The following IQSEC1 variants were observed in gnomAD, a reference collection of about 807,000 sequenced individuals.
IQSEC1 encodes the protein IQ motif and Sec7 domain ArfGEF 1.
A neutral mutation model predicts 91.0 loss-of-function variants in IQSEC1; 31 were observed. The observed-to-expected ratio is 0.34, with a 90% confidence interval of 0.26 to 0.46. The LOEUF (loss-of-function observed/expected upper bound fraction) is 0.46, where lower values mean the gene tolerates loss of function less well. IQSEC1 is among the 20% of genes least tolerant of loss of function. The pLI is 1.00. For synonymous variants in IQSEC1, 699 were observed against 662.6 expected, an observed-to-expected ratio of 1.05 and a Z score of -0.84; for missense variants, 1,388 against 1,575.6, an observed-to-expected ratio of 0.88 and a Z score of 2.02.
At chr3:13,092,758 A>C (rs1033916181) in intron 2 of IQSEC1, among the ~76,000 whole-genome samples, 1 of 152,140 alleles carries the variant, frequency 6.6e-6, no homozygotes, top group African/African-American at 2.4e-5. Flanking sequence ...ACCAACATTC[A>C]GGCCCTGCGC....
chr3:13,063,352 G>A (rs1705131291), intron 1 of IQSEC1, among the ~76,000 whole-genome samples: 1 of 152,246 alleles, frequency 6.6e-6, no homozygotes, highest in Non-Finnish European at 1.5e-5. Context: ...TTTAGCTTTA[G>A]TTGACTGGTC....
chr3:13,073,029 T>C lies in IQSEC1; in HGVS notation c.-15A>G. The C allele has an allele frequency of 1.3e-6, 2 of 1,551,728 alleles. No homozygotes were observed. Among genetic ancestry groups the C allele is most frequent in the Non-Finnish European group, 1.7e-6 (2 of 1,146,988 alleles). On this transcript the variant is annotated 5_prime_UTR_variant, in exon 1 of 14. Transcript: ENST00000613206. Reference sequence around the variant, plus strand: ...CTGCAAGCCATCCTGTGTGAATCCGTTCTTCCCTGTTCTGGCTCCCTCTCC... The same window carrying C: ...CTGCAAGCCATCCTGTGTGAATCCGCTCTTCCCTGTTCTGGCTCCCTCTCC...
In IQSEC1 at chr3:12,994,594, G is replaced by A. The variant is rs531803361; in HGVS notation, c.24-52729C>T. On this transcript the variant is annotated intron_variant, in intron 1 of 13. Coordinates refer to ENST00000613206, the MANE Select transcript of IQSEC1 (RefSeq NM_001134382.3). This position sits in a 1 kb window ranked among gnomAD's most constrained non-coding sequence, Gnocchi z 4.5. ...GCCAAGTCCCCCGGCTCCTCCGAGG[G>A]AAAGCTGCAGCCCCGGCCGAAACGC... 2.0e-5 allele frequency among the ~76,000 whole-genome samples: 3 copies of A among 152,102 alleles called. No individual in the cohort carries two copies. The highest frequency in any genetic ancestry group is 4.4e-5 in the Non-Finnish European group (3 of 68,004).
chr3:12,901,132 G>A lies in IQSEC1; in HGVS notation c.3196C>T (p.His1066Tyr). 4 of 1,542,960 alleles carry A rather than the reference G, an allele frequency of 2.6e-6. No homozygotes were observed. Among genetic ancestry groups the A allele is most frequent in the Non-Finnish European group, 3.5e-6 (4 of 1,145,882 alleles). ...TGGGCATGGGCCCCGTAGGCTGGGT[G>A]GCCCCCATGGGGGCCGTGGTGGTAC... ...HQYHHGPHGG[H>Y]PAYGAHAHGH... The change falls in exon 14 of 14, where the codon CAC becomes TAC. Residue 1066 changes from histidine to tyrosine, a missense_variant. Transcript: ENST00000613206.
intron 1 of IQSEC1, among the ~76,000 whole-genome samples, chr3:13,245,418 TGGAAA>T (rs945919426): frequency 2.3e-4 from 35 of 151,614 alleles, no homozygotes; most frequent in Non-Finnish European, 1.0e-4. Context: ...ATTCAAGGGG[TGGAAA>T]AAAGGGCTCC....
rs1694067905 is a variant in IQSEC1, at chr3:13,193,298, GA to G, written c.273-29166del. On this transcript the variant is annotated intron_variant, in intron 1 of 15. Coordinates refer to the IQSEC1 transcript ENST00000648114. This position sits in a 1 kb window ranked among gnomAD's most constrained non-coding sequence, Gnocchi z 4.2. ...CAGCCCCACTGATGACTGCGCTTCT[GA>G]GCCATTTCCGGCCTGTGGCAATGTC... Among the ~76,000 whole-genome samples the G allele has an allele frequency of 6.6e-6, 1 of 152,228 alleles. No homozygotes were observed. Among genetic ancestry groups the G allele is most frequent in the Non-Finnish European group, 1.5e-5 (1 of 68,036 alleles).
intron 1 of IQSEC1, among the ~76,000 whole-genome samples, chr3:12,991,069 C>A (rs1344140963): frequency 1.3e-5 from 2 of 152,214 alleles, no homozygotes; most frequent in Admixed American, 1.3e-4. Flanking sequence ...CACTGAATAG[C>A]CCCGAGGCAG....
At chr3:13,000,525 A>G (rs1351658844) in intron 1 of IQSEC1, among the ~76,000 whole-genome samples, 1 of 152,210 alleles carries the variant, frequency 6.6e-6, no homozygotes, top group Non-Finnish European at 1.5e-5. Context: ...TCATCAGCTA[A>G]TGGTTCTGTC....
chr3:13,063,511 C>G (rs1388086225), intron 1 of IQSEC1, among the ~76,000 whole-genome samples: 1 of 152,136 alleles, frequency 6.6e-6, no homozygotes, highest in East Asian at 1.9e-4. Context: ...GAGTGGCCGT[C>G]AGCAGGGCTG....
exon 1 of IQSEC1, among the ~76,000 whole-genome samples, chr3:13,283,151 C>T (rs1322825897): frequency 6.9e-6 from 1 of 145,370 alleles, no homozygotes; most frequent in Non-Finnish European, 1.5e-5. Context: ...CCCGCGCCTC[C>T]TGCTCCCCGC....
rs981940065 is a variant in IQSEC1, at chr3:12,992,711, G to T, written c.24-50846C>A. ...GAGCAACACTCACAAAGCTGACCAG[G>T]CAGAGCCGACTGCTGTCCTTGTGAG... On this transcript the variant is annotated intron_variant, in intron 1 of 13. Coordinates refer to ENST00000613206, the MANE Select transcript of IQSEC1 (RefSeq NM_001134382.3). This position sits in a 1 kb window ranked among gnomAD's most constrained non-coding sequence, Gnocchi z 4.1. 2.6e-5 allele frequency among the ~76,000 whole-genome samples: 4 copies of T among 152,216 alleles called. No homozygotes were observed. Among genetic ancestry groups the T allele is most frequent in the Non-Finnish European group, 5.9e-5 (4 of 68,040 alleles).
intron 2 of IQSEC1, among the ~76,000 whole-genome samples, chr3:13,090,783 T>C (rs1432118786): frequency 6.6e-6 from 1 of 152,192 alleles, no homozygotes; most frequent in Non-Finnish European, 1.5e-5. Context: ...CCTGGCACCC[T>C]GTGACTCGTA....
intron 13 of IQSEC1, 24 bp from the exon 14 acceptor site, chr3:12,901,546 C>T (rs1694307323): frequency 6.5e-7 from 1 of 1,529,656 alleles, no homozygotes; most frequent in South Asian, 1.2e-5. Context: ...TCATAGAAAT[C>T]AAAATTAAAA....
intron 1 of IQSEC1, among the ~76,000 whole-genome samples, chr3:13,168,660 T>C (rs2124996084): frequency 6.6e-6 from 1 of 152,310 alleles, no homozygotes; most frequent in East Asian, 1.9e-4. Flanking sequence ...CACCCTTTCA[T>C]TCTGCCCTCA....
intron 1 of IQSEC1, among the ~76,000 whole-genome samples, chr3:12,953,509 G>A (rs1203846481): frequency 6.6e-6 from 1 of 152,182 alleles, no homozygotes; most frequent in Non-Finnish European, 1.5e-5. Flanking sequence ...GAAAAATATA[G>A]GACTCGAACA....
intron 1 of IQSEC1, among the ~76,000 whole-genome samples, chr3:13,002,660 A>C (rs1183269537): frequency 6.6e-6 from 1 of 152,230 alleles, no homozygotes; most frequent in Non-Finnish European, 1.5e-5. Flanking sequence ...AGACAATACA[A>C]TTTTTAAATG....
chr3:13,074,873 C>G (rs777932722), upstream of IQSEC1, among the ~76,000 whole-genome samples: 9 of 152,174 alleles, frequency 5.9e-5, no homozygotes, highest in Non-Finnish European at 1.0e-4. Context: ...GGAAATGAAC[C>G]TCAGGGGGTG....
At chr3:13,231,826 T>G (rs1302112967) in intron 1 of IQSEC1, among the ~76,000 whole-genome samples, 1 of 152,250 alleles carries the variant, frequency 6.6e-6, no homozygotes, top group African/African-American at 2.4e-5. Context: ...ATTTTTATTT[T>G]GAACTTGACC....
chr3:13,003,802 C>T (rs1702525362), intron 1 of IQSEC1, among the ~76,000 whole-genome samples: 1 of 152,158 alleles, frequency 6.6e-6, no homozygotes, highest in East Asian at 1.9e-4. Flanking sequence ...CTGAATTTGA[C>T]TAATGGACCA....
Sources: gnomAD v4.1 joint callset for allele counts (sites outside exome capture counted in the v4.1 genomes callset) on GRCh38, gnomAD v4.1.1 for gene constraint, Gnocchi (gnomAD v3.1) non-coding constraint, MANE v1.5 for transcripts, NCBI Gene and HGNC (gene_info 2026-07-23, HGNC 2026-07-21) for gene names.